Variants in PAPPA2 observed in about 807,000 individuals in gnomAD.
The protein encoded by PAPPA2 is pappalysin 2, also known as pappalysin-2.
PAPPA2 carries 86 observed loss-of-function variants against 176.4 expected under a neutral mutation model. The ratio of observed to expected loss-of-function variants is 0.49; its 90% CI spans 0.41 to 0.58. The LOEUF (loss-of-function observed/expected upper bound fraction) is 0.58. PAPPA2 is among the 20% of genes least tolerant of loss of function. The pLI, the probability that PAPPA2 is intolerant of heterozygous loss-of-function variation, is 0.00. For missense variants in PAPPA2, 2,073 were observed against 2,256.9 expected, an observed-to-expected ratio of 0.92 and a Z score of 1.65; for synonymous variants, 809 against 852.2, an observed-to-expected ratio of 0.95 and a Z score of 0.88.
Position 176,590,884 on chromosome 1 carries a change from A to C in PAPPA2, c.920-3640A>C, listed in dbSNP as rs12746304. Among the ~76,000 whole-genome samples the C allele has an allele frequency of 3.9e-5, 6 of 152,274 alleles. No homozygotes were observed. The East Asian group carries it at 5.8e-4, about 15-fold the overall frequency. On this transcript the variant is annotated intron_variant, in intron 2 of 22. Transcript: ENST00000367662. ...ATCTTGGTTCTAGTGCACTCTCTGC[A>C]CCCAGTCTGACACCTAATCTCTCAG...
chr1:176,738,309 T>G (rs920503953), intron 12 of PAPPA2, among the ~76,000 whole-genome samples: 1 of 152,036 alleles, frequency 6.6e-6, no homozygotes, highest in African/African-American at 2.4e-5. Context: ...GGTCTTTCCC[T>G]TAAAGAAGGA....
intron 12 of PAPPA2, among the ~76,000 whole-genome samples, chr1:176,717,314 G>T (rs1255373908): frequency 6.6e-6 from 1 of 152,098 alleles, no homozygotes; most frequent in Non-Finnish European, 1.5e-5. Context: ...TTAGCATAAA[G>T]ACACTTCCAG....
chr1:176,699,652 C>A (rs1435501788), intron 8 of PAPPA2, 63 bp downstream of exon 8: 1 of 1,520,956 alleles, frequency 6.6e-7, no homozygotes, highest in Non-Finnish European at 8.8e-7. Context: ...TGTTACTTTT[C>A]CCCCACTTTT....
At chr1:176,777,175 C>G (rs1438618175) in intron 17 of PAPPA2, among the ~76,000 whole-genome samples, 2 of 152,134 alleles carry the variant, frequency 1.3e-5, no homozygotes, top group Non-Finnish European at 2.9e-5. Flanking sequence ...AAGAGCAACA[C>G]TTTGGTAAAA....
intron 3 of PAPPA2, among the ~76,000 whole-genome samples, chr1:176,622,663 T>C (rs1655660196): frequency 6.6e-6 from 1 of 152,178 alleles, no homozygotes; most frequent in African/African-American, 2.4e-5. Flanking sequence ...GGTGTTGACT[T>C]TGAGCACAGC....
At chr1:176,824,286 T>C (rs1453682466) in intron 21 of PAPPA2, among the ~76,000 whole-genome samples, 1 of 152,248 alleles carries the variant, frequency 6.6e-6, no homozygotes, top group Non-Finnish European at 1.5e-5. Flanking sequence ...CTATTTTGAA[T>C]GTCTGGTTAA....
chr1:176,481,993 T>G (rs1183747870), intron 1 of PAPPA2, among the ~76,000 whole-genome samples: 1 of 152,152 alleles, frequency 6.6e-6, no homozygotes, highest in Non-Finnish European at 1.5e-5. Flanking sequence ...ATTATAGGTG[T>G]GAACCACCAC....
chr1:176,558,473 C>G (rs1409526002), intron 2 of PAPPA2, among the ~76,000 whole-genome samples: 1 of 152,208 alleles, frequency 6.6e-6, no homozygotes, highest in Non-Finnish European at 1.5e-5. Context: ...CACTCTGTCT[C>G]CCCCTCTTTG....
At chr1:176,716,796 A>G (rs575301470) in intron 12 of PAPPA2, among the ~76,000 whole-genome samples, 2 of 151,648 alleles carry the variant, frequency 1.3e-5, no homozygotes, top group African/African-American at 4.8e-5. Context: ...TATTTTTAGT[A>G]GAGACGGGGT....
rs2102835841 is a variant in PAPPA2 at position 176,711,929 on chromosome 1, G to A, written c.3746G>A (p.Arg1249Lys). The A allele has an allele frequency of 6.2e-7, 1 of 1,613,868 alleles. No individual in the cohort carries two copies. Among genetic ancestry groups the A allele is most frequent in the Non-Finnish European group, 8.5e-7 (1 of 1,179,802 alleles). The change falls in exon 12 of 23, where the codon AGG becomes AAG. Residue 1249 changes from arginine (R) to lysine (K), a missense_variant. By Grantham distance (26) the Arg-to-Lys change is conservative. This residue lies in a region of PAPPA2 where 846 missense variants were observed against 857.9 expected (regional missense o/e 0.99). Coordinates refer to ENST00000367662, the MANE Select transcript of PAPPA2 (RefSeq NM_020318.3). ...AGTGAAAATGAAACTCAGGATGACA[G>A]GAGTGAACAGCCAGAAGGTAGCCTG... ...VASENETQDD[R>K]SEQPEGSLKK...
At chr1:176,518,127 C>T (rs1366382546) in intron 1 of PAPPA2, among the ~76,000 whole-genome samples, 1 of 152,170 alleles carries the variant, frequency 6.6e-6, no homozygotes, top group Non-Finnish European at 1.5e-5. Flanking sequence ...ACATATCTAC[C>T]TACCTACTTA....
intron 3 of PAPPA2, among the ~76,000 whole-genome samples, chr1:176,659,001 A>G (rs1289908464): frequency 6.6e-6 from 1 of 152,052 alleles, no homozygotes; most frequent in Non-Finnish European, 1.5e-5. Context: ...AATTCTATAG[A>G]ATTTAGTAAA....
At chr1:176,646,002 A>G (rs1476084294) in intron 3 of PAPPA2, among the ~76,000 whole-genome samples, 1 of 151,630 alleles carries the variant, frequency 6.6e-6, no homozygotes, top group African/African-American at 2.4e-5. Context: ...CATTTGTCAG[A>G]TGAATAGTTT....
intron 21 of PAPPA2, among the ~76,000 whole-genome samples, chr1:176,816,985 A>C (rs1438401941): frequency 6.6e-6 from 1 of 152,174 alleles, no homozygotes; most frequent in African/African-American, 2.4e-5. Flanking sequence ...ATTGTGAATG[A>C]ATCATGTTAG....
Position 176,572,822 on chromosome 1 carries a change from A to G in PAPPA2, c.919+15581A>G, listed in dbSNP as rs756340500. 3.9e-5 allele frequency among the ~76,000 whole-genome samples: 6 copies of G among 152,106 alleles called. No individual in the cohort carries two copies. The South Asian group carries it at 6.2e-4, about 16-fold the overall frequency. On this transcript the variant is annotated intron_variant, in intron 2 of 22. Coordinates refer to ENST00000367662, the MANE Select transcript of PAPPA2 (RefSeq NM_020318.3). Reference sequence around the variant, plus strand: ...GAGAGGTCATGTTCATTGCAATAGGATTTTCTTCATGCTTGCTTTAAATAG... The same window carrying G: ...GAGAGGTCATGTTCATTGCAATAGGGTTTTCTTCATGCTTGCTTTAAATAG...
At chr1:176,486,838 C>G (rs573552158) in intron 1 of PAPPA2, among the ~76,000 whole-genome samples, 3 of 151,912 alleles carry the variant, frequency 2.0e-5, no homozygotes, top group Non-Finnish European at 4.4e-5. Flanking sequence ...TTGGAGAGCC[C>G]GTGAGGACTT....
At chr1:176,625,670 T>C (rs141148716) in intron 3 of PAPPA2, among the ~76,000 whole-genome samples, 1 of 152,294 alleles carries the variant, frequency 6.6e-6, no homozygotes, top group East Asian at 1.9e-4. Context: ...CAAATTTATT[T>C]CAAAAATAGA....
intron 3 of PAPPA2, among the ~76,000 whole-genome samples, chr1:176,650,820 C>G (rs1468594674): frequency 6.6e-6 from 1 of 151,410 alleles, no homozygotes; most frequent in African/African-American, 2.4e-5. Flanking sequence ...ATGTGATTTT[C>G]TCTGGTAGAT....
rs150397651 is a variant in PAPPA2, at chr1:176,485,607, T to C, written c.-917+22189T>C. Among the ~76,000 whole-genome samples, 702 of 152,318 alleles carry C rather than the reference T, an allele frequency of 4.6e-3. 6 individuals are homozygous for C. The highest frequency in any genetic ancestry group is 0.016 in the African/African-American group (657 of 41,572). ...CTCCTGGCATTATATATATATAGTT[T>C]ATTATCTATTTCCTACCACCCTACT... On this transcript the variant is annotated intron_variant, in intron 1 of 22. Transcript: ENST00000367662.
Sources: allele counts gnomAD v4.1 joint callset (sites outside exome capture counted in the v4.1 genomes callset), GRCh38; gene constraint gnomAD v4.1.1; regional missense constraint gnomAD v4.1.1; transcripts MANE v1.5; gene names NCBI Gene and HGNC (gene_info 2026-07-23, HGNC 2026-07-21).